The following RIMBP2 variants were observed in gnomAD, a reference collection of about 807,000 sequenced individuals.
RIMBP2 encodes RIMS binding protein 2.
In RIMBP2, 48 loss-of-function variants were observed where a neutral mutation model predicts 118.6. That is an observed-to-expected ratio of 0.40 (90% CI 0.32 to 0.51). The LOEUF (loss-of-function observed/expected upper bound fraction) is 0.51. Among genes scored for constraint, RIMBP2 ranks in the 20% least tolerant of loss-of-function variants. RIMBP2 has a pLI of 0.41. For synonymous variants in RIMBP2, 762 were observed against 742.9 expected (o/e 1.03, Z -0.42); for missense variants, 1,551 against 1,768.3 (o/e 0.88, Z 2.20).
intron 2 of RIMBP2, among the ~76,000 whole-genome samples, chr12:130,613,584 G>A (rs1056364408): frequency 2.0e-5 from 3 of 152,146 alleles, no homozygotes; most frequent in African/African-American, 7.2e-5. Context: ...GGGAGGCCGA[G>A]GCAGGTGGAT....
intron 1 of RIMBP2, among the ~76,000 whole-genome samples, chr12:130,679,640 G>A (rs2064674828): frequency 6.6e-6 from 1 of 152,138 alleles, no homozygotes; most frequent in Non-Finnish European, 1.5e-5. Flanking sequence ...GCTGTGATGT[G>A]TACCCTTTTC....
At chr12:130,454,094 T>C (rs1424950509) in intron 7 of RIMBP2, among the ~76,000 whole-genome samples, 1 of 152,136 alleles carries the variant, frequency 6.6e-6, no homozygotes, top group Non-Finnish European at 1.5e-5. Flanking sequence ...GATTATAGAC[T>C]TGAAGTTTAC....
chr12:130,481,208 A>AGGTGGT (rs1209030060), intron 4 of RIMBP2, among the ~76,000 whole-genome samples: 438 of 151,408 alleles, frequency 2.9e-3, no homozygotes, highest in South Asian at 4.4e-3. Flanking sequence ...AGGAGGAGGC[A>AGGTGGT]GACAGGCTGA....
intron 1 of RIMBP2, among the ~76,000 whole-genome samples, chr12:130,697,726 G>T (rs981670777): frequency 2.0e-5 from 3 of 152,208 alleles, no homozygotes; most frequent in Non-Finnish European, 2.9e-5. Context: ...AGAGGCTGAG[G>T]CTGGAGGATC....
intron 2 of RIMBP2, among the ~76,000 whole-genome samples, chr12:130,538,350 T>C (rs1168086843): frequency 6.6e-6 from 1 of 151,696 alleles, no homozygotes; most frequent in African/African-American, 2.4e-5. Flanking sequence ...CAGTCACAAT[T>C]AGCCGTAAAC....
intron 14 of RIMBP2, among the ~76,000 whole-genome samples, chr12:130,433,960 C>T (rs1253368457): frequency 1.3e-5 from 2 of 152,212 alleles, no homozygotes; most frequent in East Asian, 1.9e-4. Context: ...AGATGAAGAA[C>T]GTCATGGCCG....
At chr12:130,676,650 A>G (rs2064499092) in intron 1 of RIMBP2, among the ~76,000 whole-genome samples, 1 of 152,008 alleles carries the variant, frequency 6.6e-6, no homozygotes, top group South Asian at 2.1e-4. Flanking sequence ...AGAAAAGAAA[A>G]CACACACACA....
At chr12:130,476,721 C>T (rs1407788800) in intron 5 of RIMBP2, among the ~76,000 whole-genome samples, 1 of 152,218 alleles carries the variant, frequency 6.6e-6, no homozygotes, top group African/African-American at 2.4e-5. Context: ...ACTCAAGCCT[C>T]TCAACTCCCT....
At position 130,559,089 on chromosome 12, in the gene RIMBP2, G is replaced by A. The variant is rs115130755; in HGVS notation, c.-216-41172C>T. On this transcript the variant is annotated intron_variant, in intron 2 of 22. Coordinates refer to ENST00000690449, the MANE Select transcript of RIMBP2 (RefSeq NM_001393629.1). Reference sequence around the variant, plus strand: ...ATGTATTTATGGGGTACAATGTGATGTTCTGATATATGTTTATGTTATGGA... The same window carrying A: ...ATGTATTTATGGGGTACAATGTGATATTCTGATATATGTTTATGTTATGGA... 4.7e-3 allele frequency among the ~76,000 whole-genome samples: 716 copies of A among 151,822 alleles called. 4 individuals carry two copies. The highest frequency in any genetic ancestry group is 0.017 in the African/African-American group (689 of 41,368).
chr12:130,434,377 C>T lies in RIMBP2; in HGVS notation c.2253+357G>A, dbSNP rs1201589799. Among the ~76,000 whole-genome samples the T allele has an allele frequency of 6.6e-6, 1 of 152,170 alleles. No homozygotes were observed. Among genetic ancestry groups the T allele is most frequent in the Non-Finnish European group, 1.5e-5 (1 of 68,036 alleles). ...GCCTCCCTAGCACACAGATGGCCAA[C>T]AAACATCTGCCCAGTTAACGGAGGT... On this transcript the variant is annotated intron_variant, in intron 14 of 22. Coordinates refer to ENST00000690449, the MANE Select transcript of RIMBP2 (RefSeq NM_001393629.1). The surrounding 1 kb of genome is among the most constrained non-coding windows in gnomAD (Gnocchi z 5.7).
intron 2 of RIMBP2, among the ~76,000 whole-genome samples, chr12:130,594,914 G>T (rs1032125319): frequency 6.6e-6 from 1 of 152,182 alleles, no homozygotes; most frequent in Non-Finnish European, 1.5e-5. Context: ...TATTCTTGCC[G>T]GGGAGTAATA....
rs1244807667 is a variant in RIMBP2, at chr12:130,523,348, C to T, written c.-216-5431G>A. ...CAGCCAGCACCTTGGTCTTAGACTT[C>T]CAGCCTCCAGGACTGAGAGAGAGGA... On this transcript the variant is annotated intron_variant, in intron 2 of 22. Transcript: ENST00000690449. This position sits in a 1 kb window ranked among gnomAD's most constrained non-coding sequence, Gnocchi z 4.4. Among the ~76,000 whole-genome samples, 2 of 152,192 alleles carry T rather than the reference C, an allele frequency of 1.3e-5. No homozygotes were observed. The highest frequency in any genetic ancestry group is 3.9e-4 in the East Asian group (2 of 5,188).
At chr12:130,545,655 G>A (rs1317870635) in intron 2 of RIMBP2, among the ~76,000 whole-genome samples, 4 of 152,260 alleles carry the variant, frequency 2.6e-5, no homozygotes, top group East Asian at 1.9e-4. Flanking sequence ...TAACATGACC[G>A]AGGAACGAGC....
At chr12:130,456,224 T>C (rs1404860748) in intron 7 of RIMBP2, among the ~76,000 whole-genome samples, 2 of 152,048 alleles carry the variant, frequency 1.3e-5, no homozygotes, top group Non-Finnish European at 2.9e-5. Flanking sequence ...TGACCCACAC[T>C]AGTGCTTTGG....
intron 2 of RIMBP2, among the ~76,000 whole-genome samples, chr12:130,574,034 A>G (rs909687906): frequency 2.0e-5 from 3 of 152,160 alleles, no homozygotes; most frequent in African/African-American, 7.2e-5. Flanking sequence ...GTGGGTTTTC[A>G]CATCGAGGGA....
At chr12:130,669,277 A>G (rs2064091474) in intron 1 of RIMBP2, 1 of 152,216 alleles carries the variant, frequency 6.6e-6, no homozygotes, top group Admixed American at 6.5e-5. Context: ...CTTGATAACT[A>G]TGTAATAAAT....
rs1410717352 is a variant in RIMBP2, at chr12:130,578,965, A to T, written c.-217+49357T>A. Reference sequence around the variant, plus strand: ...TCAAGTGGGATTAAAAAAAGATGAGAAGTTGTCTCACATCCATTGGTTCAG... The same window carrying T: ...TCAAGTGGGATTAAAAAAAGATGAGTAGTTGTCTCACATCCATTGGTTCAG... On this transcript the variant is annotated intron_variant, in intron 2 of 22. Coordinates refer to ENST00000690449, the MANE Select transcript of RIMBP2 (RefSeq NM_001393629.1). This position sits in a 1 kb window ranked among gnomAD's most constrained non-coding sequence, Gnocchi z 4.1. Among the ~76,000 whole-genome samples, 3 of 152,118 alleles carry T rather than the reference A, an allele frequency of 2.0e-5. No homozygotes were observed. The highest frequency in any genetic ancestry group is 1.3e-4 in the Admixed American group (2 of 15,282).
chr12:130,423,227 A>G (rs569632963), intron 16 of RIMBP2, among the ~76,000 whole-genome samples: 1 of 152,324 alleles, frequency 6.6e-6, no homozygotes, highest in African/African-American at 2.4e-5. Flanking sequence ...GGAGTGAGGA[A>G]GTTCTCAGGA....
intron 13 of RIMBP2, among the ~76,000 whole-genome samples, 182 bp from the exon 14 acceptor site, chr12:130,435,062 T>C (rs1412155495): frequency 2.6e-5 from 4 of 151,704 alleles, no homozygotes; most frequent in African/African-American, 7.3e-5. Context: ...TTTTTTTTTT[T>C]TGAGACAGAG....
Sources: gnomAD v4.1 joint callset for allele counts (sites outside exome capture counted in the v4.1 genomes callset) on GRCh38, gnomAD v4.1.1 for gene constraint, Gnocchi (gnomAD v3.1) non-coding constraint, MANE v1.5 for transcripts, NCBI Gene and HGNC (gene_info 2026-07-23, HGNC 2026-07-21) for gene names.